SLC10A7: variants seen among roughly 807,000 people sequenced by gnomAD.
SLC10A7 encodes sodium/bile acid cotransporter 7.
In SLC10A7, 29 loss-of-function variants were observed where a neutral mutation model predicts 43.2. The ratio of observed to expected loss-of-function variants is 0.67; its 90% CI spans 0.50 to 0.92. SLC10A7 has a LOEUF of 0.92. SLC10A7 is among the 40% of genes least tolerant of loss of function. The pLI, the probability that SLC10A7 is intolerant of heterozygous loss-of-function variation, is 0.00. For synonymous variants in SLC10A7, 152 were observed against 144.8 expected, an observed-to-expected ratio of 1.05 and a Z score of -0.35; for missense variants, 295 against 403.2, an observed-to-expected ratio of 0.73 and a Z score of 2.30.
intron 5 of SLC10A7, among the ~76,000 whole-genome samples, chr4:146,440,136 G>T (rs188386409): frequency 2.6e-5 from 4 of 151,962 alleles, no homozygotes; most frequent in African/African-American, 9.7e-5. Context: ...TTTTTAGCTC[G>T]CAGTAAATTG....
chr4:146,260,594 ATGC>A (rs1728160471), intron 10 of SLC10A7, among the ~76,000 whole-genome samples: 1 of 152,204 alleles, frequency 6.6e-6, no homozygotes, highest in African/African-American at 2.4e-5. Context: ...ATAGTCCCAG[ATGC>A]TGCTGCTACA....
chr4:146,461,338 T>C (rs919353149), intron 4 of SLC10A7, among the ~76,000 whole-genome samples: 4 of 152,010 alleles, frequency 2.6e-5, no homozygotes. Flanking sequence ...TTTCATTAAG[T>C]GGGAAACACA....
intron 5 of SLC10A7, chr4:146,441,831 T>C: frequency 1.0e-6 from 1 of 985,336 alleles, no homozygotes; most frequent in Non-Finnish European, 1.2e-6. Context: ...TGTAGCACTA[T>C]GTAGAATTAA....
intron 5 of SLC10A7, among the ~76,000 whole-genome samples, chr4:146,437,007 G>A (rs192708380): frequency 6.6e-6 from 1 of 152,042 alleles, no homozygotes; most frequent in African/African-American, 2.4e-5. Context: ...GGAAAGCACT[G>A]CATTGAAGAC....
At chr4:146,360,899 G>A (rs1735998508) in intron 5 of SLC10A7, among the ~76,000 whole-genome samples, 1 of 152,062 alleles carries the variant, frequency 6.6e-6, no homozygotes, top group South Asian at 2.1e-4. Context: ...ATACAGATCT[G>A]ATTAGGTCAC....
At chr4:146,379,563 G>T (rs1737452054) in intron 5 of SLC10A7, among the ~76,000 whole-genome samples, 1 of 152,112 alleles carries the variant, frequency 6.6e-6, no homozygotes, top group Admixed American at 6.6e-5. Context: ...CTATGAAACT[G>T]CCAGAATAAC....
intron 3 of SLC10A7, among the ~76,000 whole-genome samples, chr4:146,509,281 A>G (rs1281663628): frequency 1.3e-5 from 2 of 152,222 alleles, no homozygotes; most frequent in African/African-American, 4.8e-5. Context: ...AGTAGAAGCT[A>G]AATAAATAAC....
chr4:146,470,733 G>A (rs1366160594), intron 4 of SLC10A7, among the ~76,000 whole-genome samples: 6 of 152,086 alleles, frequency 3.9e-5, no homozygotes, highest in African/African-American at 1.4e-4. Context: ...CATACTACTA[G>A]ACTATGGAGC....
At chr4:146,299,920 A>C (rs1731048429) in intron 7 of SLC10A7, among the ~76,000 whole-genome samples, 1 of 152,124 alleles carries the variant, frequency 6.6e-6, no homozygotes, top group Admixed American at 6.5e-5. Flanking sequence ...AGAAGCTGAG[A>C]GCTCTGCCAG....
At chr4:146,407,385 A>G (rs900161103) in intron 5 of SLC10A7, among the ~76,000 whole-genome samples, 20 of 152,232 alleles carry the variant, frequency 1.3e-4, no homozygotes, top group African/African-American at 4.8e-4. Flanking sequence ...GCTCTTTGTA[A>G]TAAGAACATG....
At chr4:146,501,532 G>T (rs1157126931) in intron 4 of SLC10A7, among the ~76,000 whole-genome samples, 2 of 152,172 alleles carry the variant, frequency 1.3e-5, no homozygotes, top group African/African-American at 4.8e-5. Flanking sequence ...TCTCTCTGCT[G>T]TGGCAAGTGA....
chr4:146,360,214 G>T (rs12645587), intron 5 of SLC10A7, among the ~76,000 whole-genome samples: 73,161 of 148,968 alleles, frequency 0.49, 17,977 homozygotes, highest in East Asian at 0.63. Context: ...CTAAGCCACT[G>T]TTGTTTTTCC....
At chr4:146,395,991 G>A (rs2149810323) in intron 5 of SLC10A7, among the ~76,000 whole-genome samples, 1 of 152,240 alleles carries the variant, frequency 6.6e-6, no homozygotes, top group South Asian at 2.1e-4. Flanking sequence ...TTAAATGTAT[G>A]TATCATGGAT....
chr4:146,519,110 TATAA>T (rs1738344416), intron 1 of SLC10A7, among the ~76,000 whole-genome samples: 1 of 16,684 alleles, frequency 6.0e-5, no homozygotes, highest in Non-Finnish European at 1.0e-4. Flanking sequence ...TATATATATA[TATAA>T]TATAATATAT....
intron 5 of SLC10A7, among the ~76,000 whole-genome samples, chr4:146,392,856 A>G (rs1410003790): frequency 1.3e-5 from 2 of 152,088 alleles, no homozygotes; most frequent in Non-Finnish European, 2.9e-5. Flanking sequence ...ACACTGCATG[A>G]CCTTGCTACC....
chr4:146,278,985 G>C (rs1005227601), intron 10 of SLC10A7, among the ~76,000 whole-genome samples: 20 of 152,162 alleles, frequency 1.3e-4, no homozygotes, highest in African/African-American at 4.8e-4. Flanking sequence ...AACAATGTAA[G>C]AAATAGTTTC....
intron 10 of SLC10A7, among the ~76,000 whole-genome samples, chr4:146,261,237 T>C (rs1444089925): frequency 1.3e-5 from 2 of 152,192 alleles, no homozygotes; most frequent in Non-Finnish European, 2.9e-5. Flanking sequence ...AATTTCTTTC[T>C]AGTCTGGGCT....
At chr4:146,296,427 G>A (rs1045883881) in intron 7 of SLC10A7, among the ~76,000 whole-genome samples, 6 of 152,220 alleles carry the variant, frequency 3.9e-5, no homozygotes, top group African/African-American at 1.4e-4. Context: ...AAAGTACTTA[G>A]AGTCTCATAG....
intron 10 of SLC10A7, among the ~76,000 whole-genome samples, chr4:146,282,419 C>G (rs1178364387): frequency 6.6e-6 from 1 of 152,140 alleles, no homozygotes; most frequent in Non-Finnish European, 1.5e-5. Context: ...TCTTAAGTGA[C>G]TCATGTGCTA....
Sources: gnomAD v4.1 joint callset for allele counts (sites outside exome capture counted in the v4.1 genomes callset) on GRCh38, gnomAD v4.1.1 for gene constraint, MANE v1.5 for transcripts, NCBI Gene and HGNC (gene_info 2026-07-23, HGNC 2026-07-21) for gene names.